The following CPLX4 variants were observed in gnomAD, a reference collection of about 807,000 sequenced individuals.
CPLX4 encodes complexin-4.
CPLX4 carries 17 observed loss-of-function variants against 16.1 expected under a neutral mutation model. The observed-to-expected ratio is 1.06, with a 90% CI of 0.72 to 1.59. The LOEUF is 1.59. CPLX4 is among the 40% of genes most tolerant of loss of function. The pLI is 0.00. For missense variants in CPLX4, 193 were observed against 192.9 expected, an observed-to-expected ratio of 1.00 and a Z score of 0.00; for synonymous variants, 55 against 57.8, an observed-to-expected ratio of 0.95 and a Z score of 0.22.
At chr18:59,308,098 T>A (rs766220680) in intron 2 of CPLX4, among the ~76,000 whole-genome samples, 4 of 152,130 alleles carry the variant, frequency 2.6e-5, no homozygotes, top group Non-Finnish European at 5.9e-5. Context: ...GATGGCTTTC[T>A]AAAGGTTCCA....
rs2070501971 is a variant in CPLX4, at chr18:59,296,573, C to T, written c.*125G>A. On this transcript the variant is annotated 3_prime_UTR_variant, in exon 3 of 3. Coordinates refer to ENST00000299721, the MANE Select transcript of CPLX4 (RefSeq NM_181654.4). ...TTAGAACAACCAAATTATTGTCTGT[C>T]AATGGATCATCGTGGTTTTCCTAAC... 2.0e-6 allele frequency: 2 copies of T among 981,446 alleles called. No individual in the cohort carries two copies. The highest frequency in any genetic ancestry group is 5.3e-5 in the Admixed American group (2 of 37,462). 60.8% of individuals were successfully genotyped at this position (981,446 alleles called of 1,614,324 possible).
Position 59,303,411 on chromosome 18 carries a change from G to A in CPLX4, c.256-6486C>T, listed in dbSNP as rs868510201. On this transcript the variant is annotated intron_variant, in intron 2 of 2. Transcript: ENST00000299721. ...TTCCACAGGGACTCAAGAAGCTCCC[G>A]GAGGCCGCATATCCAAGCCTCTCAC... Among the ~76,000 whole-genome samples, 17 of 152,276 alleles carry A rather than the reference G, an allele frequency of 1.1e-4. 1 individual carries two copies. In the South Asian group the frequency reaches 3.1e-3, roughly 28 times the overall value.
At chr18:59,316,463 C>T (rs143270686) in intron 1 of CPLX4, among the ~76,000 whole-genome samples, 46 of 152,116 alleles carry the variant, frequency 3.0e-4, no homozygotes, top group Non-Finnish European at 5.0e-4. Flanking sequence ...GCTCTCTCTG[C>T]GTTTATCTTG....
Position 59,295,528 on chromosome 18 carries a change from C to T in CPLX4, c.*1170G>A, listed in dbSNP as rs1188895832. 6.6e-6 allele frequency: 1 copy of T among 150,734 alleles called. No individual in the cohort carries two copies. Among genetic ancestry groups the T allele is most frequent in the African/African-American group, 2.4e-5 (1 of 40,916 alleles). The allele number at this position is 150,734 out of a possible 1,614,324, so 9.3% of individuals were successfully genotyped here. On this transcript the variant is annotated 3_prime_UTR_variant, in exon 3 of 3. Transcript: ENST00000299721. ...AAGTTTTCGGTCTCAGTTTCCTTTTCCTTTGATAGATCTTTATTCACTGTA... is the reference window on the plus strand; with the variant it reads ...AAGTTTTCGGTCTCAGTTTCCTTTTTCTTTGATAGATCTTTATTCACTGTA...
chr18:59,298,410 T>C (rs1210075266), intron 2 of CPLX4, among the ~76,000 whole-genome samples: 2 of 152,164 alleles, frequency 1.3e-5, no homozygotes, highest in Non-Finnish European at 2.9e-5. Flanking sequence ...TGAGGTGACC[T>C]GGGTTTCAGG....
intron 2 of CPLX4, among the ~76,000 whole-genome samples, chr18:59,305,704 G>C (rs1320426000): frequency 6.6e-6 from 1 of 152,196 alleles, no homozygotes; most frequent in Non-Finnish European, 1.5e-5. Flanking sequence ...GGTGGCTGCA[G>C]TTATGAAATT....
rs187384184 is a variant in CPLX4 at position 59,313,642 on chromosome 18, C to G, written c.168-870G>C. On this transcript the variant is annotated intron_variant, in intron 1 of 2. Coordinates refer to ENST00000299721, the MANE Select transcript of CPLX4 (RefSeq NM_181654.4). ...TTAGACCAAGCTCCGTAAATGAAAT[C>G]TCTTTGAAAATTTGGGAATGGTACT... Among the ~76,000 whole-genome samples, 43 of 152,332 alleles carry G rather than the reference C, an allele frequency of 2.8e-4. No homozygotes were observed. The East Asian group carries it at 4.8e-3, about 17-fold the overall frequency.
At chr18:59,302,315 C>A (rs1409113294) in intron 2 of CPLX4, among the ~76,000 whole-genome samples, 1 of 152,222 alleles carries the variant, frequency 6.6e-6, no homozygotes, top group African/African-American at 2.4e-5. Context: ...TGCCTCATTA[C>A]AACCCCCAAA....
intron 2 of CPLX4, among the ~76,000 whole-genome samples, chr18:59,309,822 C>CAAAAAAAA (rs369580193): frequency 2.1e-4 from 18 of 86,922 alleles, no homozygotes; most frequent in East Asian, 6.8e-4. Context: ...GACTCTGTGT[C>CAAAAAAAA]AAAAAAAAAA....
rs189044118 is a variant in CPLX4 at position 59,312,027 on chromosome 18, C to T, written c.255+658G>A. On this transcript the variant is annotated intron_variant, in intron 2 of 2. Coordinates refer to ENST00000299721, the MANE Select transcript of CPLX4 (RefSeq NM_181654.4). ...AATCAGGACCGTGGGCTCTATCTTTCCTGGCTATCTGGCCCATGGCAGGAG... is the reference window on the plus strand; with the variant it reads ...AATCAGGACCGTGGGCTCTATCTTTTCTGGCTATCTGGCCCATGGCAGGAG... Among the ~76,000 whole-genome samples, 442 of 152,258 alleles carry T rather than the reference C, an allele frequency of 2.9e-3. 2 individuals carry two copies. Among genetic ancestry groups the T allele is most frequent in the African/African-American group, 9.9e-3 (411 of 41,540 alleles).
chr18:59,308,667 G>A (rs1314616868), intron 2 of CPLX4, among the ~76,000 whole-genome samples: 4 of 152,030 alleles, frequency 2.6e-5, no homozygotes, highest in African/African-American at 4.8e-5. Flanking sequence ...AGGAACACCA[G>A]GGGGCGCCGG....
chr18:59,307,683 T>C (rs1020899438), intron 2 of CPLX4, among the ~76,000 whole-genome samples: 3 of 151,472 alleles, frequency 2.0e-5, no homozygotes, highest in African/African-American at 7.3e-5. Flanking sequence ...CCTTCCAGGG[T>C]CTCCTTGCTC....
chr18:59,304,761 G>C (rs925721651), intron 2 of CPLX4, among the ~76,000 whole-genome samples: 4 of 152,064 alleles, frequency 2.6e-5, no homozygotes, highest in Non-Finnish European at 4.4e-5. Flanking sequence ...TAGTAGAGAC[G>C]GGGTTTCACC....
At chr18:59,306,986 C>A (rs190947564) in intron 2 of CPLX4, among the ~76,000 whole-genome samples, 2 of 152,304 alleles carry the variant, frequency 1.3e-5, no homozygotes, top group African/African-American at 2.4e-5. Flanking sequence ...GCAAACCTGG[C>A]AGGGAGGGGA....
chr18:59,313,644 CTT>C (rs2070633057), intron 1 of CPLX4, among the ~76,000 whole-genome samples: 1 of 152,184 alleles, frequency 6.6e-6, no homozygotes. Flanking sequence ...AATGAAATCT[CTT>C]TGAAAATTTG....
rs113947556 is a variant in CPLX4 at position 59,316,759 on chromosome 18, T to C, written c.167+1537A>G. On this transcript the variant is annotated intron_variant, in intron 1 of 2. Transcript: ENST00000299721. The stretch of plus-strand genomic sequence containing the variant: ...ATAAAATTAAGGAAAACTAGGACAT[T>C]AGTTAATCAAATAGATGCCTTATCT... 7.7e-3 allele frequency among the ~76,000 whole-genome samples: 1,178 copies of C among 152,298 alleles called. 6 individuals carry two copies. Among genetic ancestry groups the C allele is most frequent in the Non-Finnish European group, 0.012 (835 of 68,008 alleles).
chr18:59,303,282 G>A (rs1174754281), intron 2 of CPLX4, among the ~76,000 whole-genome samples: 1 of 152,148 alleles, frequency 6.6e-6, no homozygotes. Context: ...ATAGGCATCA[G>A]TTTTCAGTTT....
chr18:59,315,760 C>T (rs1303371499), intron 1 of CPLX4, among the ~76,000 whole-genome samples: 1 of 152,152 alleles, frequency 6.6e-6, no homozygotes, highest in Non-Finnish European at 1.5e-5. Flanking sequence ...AGTTGTTTAG[C>T]ACCATTTGTT....
At chr18:59,306,024 A>T (rs1297291925) in intron 2 of CPLX4, among the ~76,000 whole-genome samples, 1 of 152,176 alleles carries the variant, frequency 6.6e-6, no homozygotes, top group Admixed American at 6.5e-5. Flanking sequence ...AATTAAGGGA[A>T]CCACTTACTG....
Sources: gnomAD v4.1 joint callset for allele counts (sites outside exome capture counted in the v4.1 genomes callset) on GRCh38, gnomAD v4.1.1 for gene constraint, MANE v1.5 for transcripts, NCBI Gene and HGNC (gene_info 2026-07-23, HGNC 2026-07-21) for gene names.